The following PBRM1 variants were observed in gnomAD, a reference collection of about 807,000 sequenced individuals.
PBRM1 encodes protein polybromo-1.
In PBRM1, 27 loss-of-function variants were observed where a neutral mutation model predicts 194.5. That is an observed-to-expected ratio of 0.14 (90% CI 0.10 to 0.19). The LOEUF (loss-of-function observed/expected upper bound fraction) is 0.19, where lower values mean the gene tolerates loss of function less well. Ranked by LOEUF, PBRM1 falls within the 10% of genes least tolerant of loss-of-function variation. The probability of loss-of-function intolerance (pLI) is 1.00; values close to 1 mark genes in which losing one functional copy is unlikely to be tolerated. For synonymous variants in PBRM1, 655 were observed against 693.2 expected, an observed-to-expected ratio of 0.94 and a Z score of 0.87; for missense variants, 1,466 against 2,077.2, an observed-to-expected ratio of 0.71 and a Z score of 5.72.
downstream of PBRM1, chr3:52,547,268 G>A (rs748188889): frequency 8.6e-6 from 2 of 232,954 alleles, no homozygotes; most frequent in African/African-American, 4.4e-5. Flanking sequence ...ACATACCTCA[G>A]GGTTGTGCAC....
intron 27 of PBRM1, among the ~76,000 whole-genome samples, chr3:52,551,042 C>A (rs1559801459): frequency 6.6e-6 from 1 of 152,188 alleles, no homozygotes; most frequent in African/African-American, 2.4e-5. Context: ...AGATGTACAT[C>A]AATTATGGCT....
intron 14 of PBRM1, 142 bp downstream of exon 16, chr3:52,617,120 A>T: frequency 1.6e-6 from 1 of 624,534 alleles, no homozygotes; most frequent in Non-Finnish European, 2.7e-6. Flanking sequence ...GATTGTAAAC[A>T]ATGAAGAAAA....
chr3:52,651,748 C>T (rs1489926088), exon 6 of PBRM1: 3 of 1,579,100 alleles, frequency 1.9e-6, no homozygotes, highest in Non-Finnish European at 2.6e-6. Context: ...ATACCTGTAT[C>T]CTCTGGGCAA....
chr3:52,567,018 G>T (rs1163285291), intron 22 of PBRM1, among the ~76,000 whole-genome samples: 1 of 147,866 alleles, frequency 6.8e-6, no homozygotes, highest in African/African-American at 2.5e-5. Flanking sequence ...GCAGGGAGCC[G>T]AGACTGTGCC....
At chr3:52,629,719 G>A (rs1332914009) in intron 11 of PBRM1, among the ~76,000 whole-genome samples, 1 of 152,118 alleles carries the variant, frequency 6.6e-6, no homozygotes, top group Non-Finnish European at 1.5e-5. Context: ...TATGTACTTT[G>A]TACAAAGTAG....
At chr3:52,668,141 G>A (rs1396924174) in intron 3 of PBRM1, among the ~76,000 whole-genome samples, 2 of 151,918 alleles carry the variant, frequency 1.3e-5, no homozygotes, top group African/African-American at 2.4e-5. Flanking sequence ...TACAAAACAT[G>A]CAAAAATTAG....
At position 52,614,610 on chromosome 3, in the gene PBRM1, G is replaced by A. The variant is rs557944590; in HGVS notation, c.1924+741C>T. Reference sequence around the variant, plus strand: ...TTCCGAGGCAGAGTCTCACTCTGTCGCCCAGGCTGAAGTACAGTGGTGTGA... The same window carrying A: ...TTCCGAGGCAGAGTCTCACTCTGTCACCCAGGCTGAAGTACAGTGGTGTGA... On this transcript the variant is annotated intron_variant, in intron 15 of 29. Transcript: ENST00000296302. Among the ~76,000 whole-genome samples the A allele has an allele frequency of 2.2e-4, 30 of 136,932 alleles. No individual in the cohort carries two copies. In the South Asian group the frequency reaches 5.5e-3, roughly 25 times the overall value. The allele number at this position is 136,932 out of a possible 152,430, so 89.8% of individuals were successfully genotyped here.
exon 14 of PBRM1, chr3:52,617,441 T>A: frequency 1.2e-6 from 2 of 1,613,762 alleles, no homozygotes; most frequent in South Asian, 1.1e-5. Context: ...GGTTTAACCA[T>A]AAATAGGTCA....
At chr3:52,547,729 A>G (rs189527883), downstream of PBRM1, 1 of 241,938 alleles carries the variant, frequency 4.1e-6, no homozygotes, top group Non-Finnish European at 8.1e-6. Flanking sequence ...AAAAACCCCA[A>G]GCCAAGACAA....
intron 21 of PBRM1, 103 bp from the exon 24 acceptor site, chr3:52,576,801 CAGAGGAGTTTCACTGG>C: frequency 1.3e-6 from 1 of 743,980 alleles, no homozygotes; most frequent in Non-Finnish European, 2.1e-6. Context: ...GTGTACCATT[CAGAGGAGTTTCACTGG>C]CTGTTTTGGT....
upstream of PBRM1, among the ~76,000 whole-genome samples, chr3:52,683,394 A>G (rs2097248860): frequency 6.6e-6 from 1 of 151,754 alleles, no homozygotes; most frequent in South Asian, 2.1e-4. Flanking sequence ...AAAACAACAT[A>G]AAGTGAAATC....
chr3:52,615,552 T>C (rs1390016936), intron 14 of PBRM1, 96 bp from the exon 17 acceptor site: 8 of 751,722 alleles, frequency 1.1e-5, no homozygotes, highest in Non-Finnish European at 1.6e-5. Flanking sequence ...CAGTTTATGA[T>C]AGTTGGGAGC....
chr3:52,611,894 A>G (rs1256425575), intron 15 of PBRM1, among the ~76,000 whole-genome samples: 3 of 152,164 alleles, frequency 2.0e-5, no homozygotes, highest in Non-Finnish European at 4.4e-5. Flanking sequence ...ACTACAGCAC[A>G]AATCTAATTT....
chr3:52,601,448 T>C lies in PBRM1; in HGVS notation c.2779+2073A>G, dbSNP rs555659033. Among the ~76,000 whole-genome samples, 72 of 152,274 alleles carry C rather than the reference T, an allele frequency of 4.7e-4. 1 individual carries two copies. The highest frequency in any genetic ancestry group is 1.6e-3 in the African/African-American group (65 of 41,556). ...CAGTGCACAACCTAGATCCCTCACA[T>C]ACACAGTCCACAATAGGGTTCATGC... is the stretch of plus-strand genomic sequence containing the variant. On this transcript the variant is annotated intron_variant, in intron 17 of 29. Coordinates refer to ENST00000296302, the Ensembl canonical transcript of PBRM1.
chr3:52,546,584 G>A (rs1323224886), downstream of PBRM1: 2 of 230,142 alleles, frequency 8.7e-6, no homozygotes, highest in Non-Finnish European at 1.7e-5. Context: ...AGATTAAAAG[G>A]AAAAAAGCAT....
At chr3:52,647,399 G>A (rs1458053822) in intron 7 of PBRM1, among the ~76,000 whole-genome samples, 4 of 111,366 alleles carry the variant, frequency 3.6e-5, no homozygotes, top group Non-Finnish European at 6.6e-5. Flanking sequence ...ACATGGCCCC[G>A]CAATTCCATT....
intron 15 of PBRM1, among the ~76,000 whole-genome samples, chr3:52,613,723 C>T (rs1206606927): frequency 6.6e-6 from 1 of 152,038 alleles, no homozygotes; most frequent in East Asian, 1.9e-4. Flanking sequence ...GGCACCATGG[C>T]TCATGCCTGT....
intron 11 of PBRM1, among the ~76,000 whole-genome samples, chr3:52,630,289 C>T (rs553660385): frequency 6.6e-6 from 1 of 152,272 alleles, no homozygotes; most frequent in Admixed American, 6.5e-5. Context: ...CTAGTTCCTG[C>T]TTACTCTTCC....
At chr3:52,607,130 T>C (rs189474053) in intron 16 of PBRM1, among the ~76,000 whole-genome samples, 1 of 152,338 alleles carries the variant, frequency 6.6e-6, no homozygotes, top group Admixed American at 6.5e-5. Context: ...TTACTGATAA[T>C]ATAGTAGATA....
Sources: allele counts gnomAD v4.1 joint callset (sites outside exome capture counted in the v4.1 genomes callset), GRCh38; gene constraint gnomAD v4.1.1; transcripts MANE v1.5; gene names NCBI Gene and HGNC (gene_info 2026-07-23, HGNC 2026-07-21).